HS3ST5: variants seen among roughly 807,000 people sequenced by gnomAD.
HS3ST5 encodes the protein heparan sulfate-glucosamine 3-sulfotransferase 5.
Under a neutral mutation model 25.4 loss-of-function variants are expected in HS3ST5, and 10 were observed. The observed-to-expected ratio is 0.39, with a 90% CI of 0.24 to 0.67. HS3ST5 has a LOEUF of 0.67. Among genes scored for constraint, HS3ST5 ranks in the 30% least tolerant of loss-of-function variants. The pLI, the probability that HS3ST5 is intolerant of heterozygous loss-of-function variation, is 0.44. For missense variants in HS3ST5, 324 were observed against 420.7 expected (o/e 0.77, Z 2.01); for synonymous variants, 170 against 162.4 (o/e 1.05, Z -0.36).
rs569944819 is a variant in HS3ST5 at position 114,266,081 on chromosome 6, A to C, written c.-338-37303T>G. On this transcript the variant is annotated intron_variant, in intron 1 of 4. Coordinates refer to ENST00000312719, the MANE Select transcript of HS3ST5 (RefSeq NM_153612.4). ...CTAAAACTCAAGGATCCCAAACTGAATTCATCACACACTCTGCTTTAAGAT... is the reference window on the plus strand; with the variant it reads ...CTAAAACTCAAGGATCCCAAACTGACTTCATCACACACTCTGCTTTAAGAT... Among the ~76,000 whole-genome samples, 29 of 152,288 alleles carry C rather than the reference A, an allele frequency of 1.9e-4. No individual in the cohort carries two copies. The South Asian group carries it at 6.0e-3, about 32-fold the overall frequency.
rs374821135 is a variant in HS3ST5 at position 114,173,406 on chromosome 6, C to A, written c.-144-4944G>T. Among the ~76,000 whole-genome samples, 44 of 152,178 alleles carry A rather than the reference C, an allele frequency of 2.9e-4. 1 individual carries two copies. The highest frequency in any genetic ancestry group is 1.0e-3 in the African/African-American group (43 of 41,522). On this transcript the variant is annotated intron_variant, in intron 2 of 4. Transcript: ENST00000312719. The stretch of plus-strand genomic sequence containing the variant: ...ATAAAATATTTTTAAGCACATAATT[C>A]TGAAATTTGTTGAGAAAGGGAGCTA...
intron 1 of HS3ST5, among the ~76,000 whole-genome samples, chr6:114,255,095 G>A (rs1442517284): frequency 6.6e-6 from 1 of 152,150 alleles, no homozygotes; most frequent in African/African-American, 2.4e-5. Context: ...AAAATCAAAA[G>A]CAAGCTAGTT....
intron 2 of HS3ST5, among the ~76,000 whole-genome samples, chr6:114,213,340 C>CG (rs1234327644): frequency 5.3e-3 from 6 of 1,124 alleles, no homozygotes; most frequent in Admixed American, 0.041. Context: ...AGGATGGCGG[C>CG]GGGGGTGGGG....
chr6:114,121,589 AAATAC>A (rs1299498478), intron 3 of HS3ST5, among the ~76,000 whole-genome samples: 26 of 152,168 alleles, frequency 1.7e-4, no homozygotes, highest in African/African-American at 6.0e-4. Flanking sequence ...TTTTTATAAA[AAATAC>A]AATACTAGTA....
intron 3 of HS3ST5, among the ~76,000 whole-genome samples, chr6:114,103,857 A>AT (rs71553394): frequency 0.011 from 1,131 of 107,120 alleles, 24 homozygotes; most frequent in East Asian, 0.059. Flanking sequence ...CACCTGGCTA[A>AT]TTTTTTTTTT....
chr6:114,114,863 T>A (rs1776441087), intron 3 of HS3ST5, among the ~76,000 whole-genome samples: 1 of 152,150 alleles, frequency 6.6e-6, no homozygotes, highest in Non-Finnish European at 1.5e-5. Context: ...GCACTCTTTT[T>A]GTGTTAAAAG....
intron 1 of HS3ST5, among the ~76,000 whole-genome samples, chr6:114,290,553 T>G (rs1250184665): frequency 2.0e-5 from 3 of 152,100 alleles, no homozygotes; most frequent in African/African-American, 7.2e-5. Context: ...TTTTATTTTC[T>G]TCAAGGTTGT....
At chr6:114,112,910 A>G (rs1019803901) in intron 3 of HS3ST5, among the ~76,000 whole-genome samples, 1 of 152,154 alleles carries the variant, frequency 6.6e-6, no homozygotes, top group African/African-American at 2.4e-5. Flanking sequence ...CACATGTTAT[A>G]GTAGTAGATG....
intron 2 of HS3ST5, among the ~76,000 whole-genome samples, chr6:114,174,945 A>G (rs1410673056): frequency 6.6e-6 from 1 of 152,156 alleles, no homozygotes; most frequent in African/African-American, 2.4e-5. Flanking sequence ...GTGATCCAAG[A>G]TCATGCCACT....
chr6:114,124,750 A>C (rs1056252850), intron 3 of HS3ST5, among the ~76,000 whole-genome samples: 1 of 152,166 alleles, frequency 6.6e-6, no homozygotes, highest in Non-Finnish European at 1.5e-5. Flanking sequence ...CATGAGACAA[A>C]GTAACTGAAA....
chr6:114,131,872 T>C (rs1344129075), intron 3 of HS3ST5, among the ~76,000 whole-genome samples: 1 of 152,236 alleles, frequency 6.6e-6, no homozygotes, highest in Non-Finnish European at 1.5e-5. Context: ...AATATTCCAA[T>C]GTGCCCTTTC....
At chr6:114,155,737 G>A (rs537409312) in intron 3 of HS3ST5, among the ~76,000 whole-genome samples, 8 of 152,256 alleles carry the variant, frequency 5.3e-5, no homozygotes, top group Admixed American at 2.6e-4. Context: ...CTATCCCTTC[G>A]AATCTCTTCT....
chr6:114,291,754 T>A (rs1226533315), intron 1 of HS3ST5, among the ~76,000 whole-genome samples: 4 of 152,190 alleles, frequency 2.6e-5, no homozygotes, highest in African/African-American at 9.7e-5. Context: ...TGTTATCAGT[T>A]CCTTAAATAA....
At chr6:114,196,023 G>A (rs900812264) in intron 2 of HS3ST5, among the ~76,000 whole-genome samples, 2 of 152,154 alleles carry the variant, frequency 1.3e-5, no homozygotes, top group Admixed American at 6.5e-5. Flanking sequence ...CAAATGAGAC[G>A]CCCAGCCCTC....
chr6:114,228,463 A>G (rs1221904638), intron 2 of HS3ST5, 122 bp downstream of exon 2: 1 of 152,088 alleles, frequency 6.6e-6, no homozygotes, highest in Non-Finnish European at 1.5e-5. Context: ...ACATACATGG[A>G]TAGTTTTCTT....
In HS3ST5 at chr6:114,199,954, C is replaced by T. The variant is rs376764505; in HGVS notation, c.-145+28631G>A. Among the ~76,000 whole-genome samples, 119 of 152,290 alleles carry T rather than the reference C, an allele frequency of 7.8e-4. 1 individual carries two copies. The highest frequency in any genetic ancestry group is 3.4e-3 in the Middle Eastern group (1 of 294). On this transcript the variant is annotated intron_variant, in intron 2 of 4. Transcript: ENST00000312719. ...TTGGGCAGGGCACGGTGGCTCACGC[C>T]TGTGTTCCCAGCACTTTGGGAGGCT...
intron 1 of HS3ST5, among the ~76,000 whole-genome samples, chr6:114,276,579 C>T (rs891241197): frequency 1.4e-5 from 2 of 146,206 alleles, no homozygotes; most frequent in African/African-American, 5.1e-5. Flanking sequence ...TGACCTGCTA[C>T]AGCTAAATCT....
chr6:114,085,470 C>T (rs1408355591), intron 3 of HS3ST5, among the ~76,000 whole-genome samples: 1 of 152,158 alleles, frequency 6.6e-6, no homozygotes, highest in Non-Finnish European at 1.5e-5. Context: ...AATCAATTTG[C>T]TTGTGAAATA....
In HS3ST5 at chr6:114,056,030, G is replaced by C. The variant is rs1232689053; in HGVS notation, c.*1227C>G. Reference sequence around the variant, plus strand: ...CTAACAGGGAGAGTTGTGAGATCTTGTTTTCATTTTTGAAGCATCAGCAGC... The same window carrying C: ...CTAACAGGGAGAGTTGTGAGATCTTCTTTTCATTTTTGAAGCATCAGCAGC... On this transcript the variant is annotated 3_prime_UTR_variant, in exon 5 of 5. Transcript: ENST00000312719. The C allele has an allele frequency of 6.6e-6, 1 of 152,202 alleles. No homozygotes were observed. Among genetic ancestry groups the C allele is most frequent in the African/African-American group, 2.4e-5 (1 of 41,520 alleles). 9.4% of individuals were successfully genotyped at this position (152,202 alleles called of 1,614,324 possible). A position where few individuals can be genotyped will look rare whatever the true frequency, so the allele number is the denominator to read the frequency against.
Sources: allele counts gnomAD v4.1 joint callset (sites outside exome capture counted in the v4.1 genomes callset), GRCh38; gene constraint gnomAD v4.1.1; transcripts MANE v1.5; gene names NCBI Gene and HGNC (gene_info 2026-07-23, HGNC 2026-07-21).